CTNNA2: variants seen among roughly 807,000 people sequenced by gnomAD.
CTNNA2 encodes catenin alpha 2.
CTNNA2 carries 42 observed loss-of-function variants against 101.0 expected under a neutral mutation model. The observed-to-expected ratio is 0.42, with a 90% CI of 0.32 to 0.54. CTNNA2 has a LOEUF of 0.54. Ranked by LOEUF, CTNNA2 falls within the 20% of genes least tolerant of loss-of-function variation. The pLI is 0.14. For synonymous variants in CTNNA2, 450 were observed against 456.4 expected (o/e 0.99, Z 0.18); for missense variants, 871 against 1,223.1 (o/e 0.71, Z 4.29).
At chr2:80,328,731 T>C (rs1671047102) in intron 7 of CTNNA2, among the ~76,000 whole-genome samples, 1 of 152,244 alleles carries the variant, frequency 6.6e-6, no homozygotes, top group Admixed American at 6.5e-5. Flanking sequence ...CTTCCATTAT[T>C]GACAGGATAT....
intron 3 of CTNNA2, among the ~76,000 whole-genome samples, chr2:79,357,394 T>C (rs1677530843): frequency 6.6e-6 from 1 of 152,080 alleles, no homozygotes; most frequent in Non-Finnish European, 1.5e-5. Context: ...AATACAGTTA[T>C]TAAACTGGAA....
rs117377121 is a variant in CTNNA2, at chr2:80,180,078, T to C, written c.1057-213133T>C. Among the ~76,000 whole-genome samples the C allele has an allele frequency of 9.2e-4, 140 of 152,316 alleles. 3 individuals carry two copies. The East Asian group carries it at 0.016, about 18-fold the overall frequency. ...TCAGCTCAAAGCCAGGGTCCAGTAG[T>C]CCCCGAAAGTTCTGATCATTTCCCT... On this transcript the variant is annotated intron_variant, in intron 7 of 18. Transcript: ENST00000402739.
chr2:80,588,505 G>T (rs1696164551), intron 14 of CTNNA2, among the ~76,000 whole-genome samples: 1 of 152,054 alleles, frequency 6.6e-6, no homozygotes, highest in South Asian at 2.1e-4. Flanking sequence ...CTTGATTTTG[G>T]GGTTACAAGT....
intron 6 of CTNNA2, 45 bp downstream of exon 6, chr2:79,874,387 G>T (rs1160301237): frequency 2.6e-6 from 4 of 1,535,376 alleles, no homozygotes; most frequent in South Asian, 2.4e-5. Context: ...CACTGGTGTT[G>T]ACAAAAAAAA....
At chr2:79,252,268 G>C (rs546800715) in intron 2 of CTNNA2, among the ~76,000 whole-genome samples, 7 of 148,482 alleles carry the variant, frequency 4.7e-5, no homozygotes, top group African/African-American at 1.5e-4. Flanking sequence ...AGTCCCTCAA[G>C]TTAAAAGAGC....
chr2:79,538,610 A>G (rs1673217085), intron 1 of CTNNA2, among the ~76,000 whole-genome samples: 1 of 152,180 alleles, frequency 6.6e-6, no homozygotes, highest in Non-Finnish European at 1.5e-5. Flanking sequence ...GGAAATAGTA[A>G]CATTCTATGG....
At chr2:79,190,096 C>T (rs1198877646) in intron 1 of CTNNA2, among the ~76,000 whole-genome samples, 1 of 152,086 alleles carries the variant, frequency 6.6e-6, no homozygotes, top group African/African-American at 2.4e-5. Context: ...TCAAAATGTT[C>T]CTAATTTCCA....
intron 1 of CTNNA2, among the ~76,000 whole-genome samples, chr2:79,513,523 G>A (rs1671644689): frequency 6.6e-6 from 1 of 152,012 alleles, no homozygotes; most frequent in Non-Finnish European, 1.5e-5. Flanking sequence ...CCTCTTCCCC[G>A]GTGGGAGGGT....
At chr2:79,767,524 G>A (rs890668487) in intron 3 of CTNNA2, among the ~76,000 whole-genome samples, 4 of 152,182 alleles carry the variant, frequency 2.6e-5, no homozygotes, top group Admixed American at 6.5e-5. Flanking sequence ...AAAAAACTTC[G>A]TTGTAGTGAT....
chr2:79,215,261 G>T (rs572441269), intron 2 of CTNNA2, among the ~76,000 whole-genome samples: 1 of 152,290 alleles, frequency 6.6e-6, no homozygotes, highest in Admixed American at 6.5e-5. Context: ...CTGGTTGCCA[G>T]ATTTCTGGCA....
At chr2:79,338,459 A>T (rs1677046432) in intron 3 of CTNNA2, among the ~76,000 whole-genome samples, 1 of 152,134 alleles carries the variant, frequency 6.6e-6, no homozygotes, top group African/African-American at 2.4e-5. Context: ...ACTATGTGAA[A>T]CAAGATGGGA....
chr2:79,868,205 A>G (rs1434067830), intron 4 of CTNNA2, among the ~76,000 whole-genome samples: 2 of 152,152 alleles, frequency 1.3e-5, no homozygotes, highest in Non-Finnish European at 2.9e-5. Flanking sequence ...TCATATTTTT[A>G]TAATTAGGGA....
Position 80,648,387 on chromosome 2 carries a change from T to C in CTNNA2, c.*515T>C, listed in dbSNP as rs980513571. 5 of 152,628 alleles carry C rather than the reference T, an allele frequency of 3.3e-5. No individual in the cohort carries two copies. The highest frequency in any genetic ancestry group is 9.6e-5 in the African/African-American group (4 of 41,452). The allele number at this position is 152,628 out of a possible 1,614,324, so 9.5% of individuals were successfully genotyped here. A position where few individuals can be genotyped will look rare whatever the true frequency, so the allele number is the denominator to read the frequency against. On this transcript the variant is annotated 3_prime_UTR_variant, in exon 19 of 19. Coordinates refer to ENST00000402739, the MANE Select transcript of CTNNA2 (RefSeq NM_001282597.3). ...CTTGAAGTCTATATCCGTGATATTA[T>C]GTCGATTTTTAACTGAGGGGAAATT...
At chr2:80,450,582 A>G (rs189523037) in intron 9 of CTNNA2, among the ~76,000 whole-genome samples, 46 of 152,246 alleles carry the variant, frequency 3.0e-4, no homozygotes, top group African/African-American at 1.0e-3. Flanking sequence ...CTCCAAGTCT[A>G]TCTTTTTTCT....
chr2:79,395,305 T>TATATACATATGCC (rs1232718524), intron 4 of CTNNA2, among the ~76,000 whole-genome samples: 1 of 152,072 alleles, frequency 6.6e-6, no homozygotes, highest in African/African-American at 2.4e-5. Context: ...GTTTTTTACA[T>TATATACATATGCC]ATGTATACAT....
At chr2:80,306,735 C>A (rs554363429) in intron 7 of CTNNA2, among the ~76,000 whole-genome samples, 1 of 151,980 alleles carries the variant, frequency 6.6e-6, no homozygotes, top group East Asian at 1.9e-4. Context: ...CAGGGTTAAA[C>A]AGCGGCCAGC....
chr2:79,670,430 C>T (rs1682755799), intron 2 of CTNNA2, among the ~76,000 whole-genome samples: 4 of 152,254 alleles, frequency 2.6e-5, no homozygotes, highest in Non-Finnish European at 5.9e-5. Context: ...GTGGCTGCAG[C>T]GGCAGGGGGA....
intron 7 of CTNNA2, among the ~76,000 whole-genome samples, chr2:80,064,319 A>C (rs1048268895): frequency 3.9e-5 from 6 of 152,288 alleles, no homozygotes; most frequent in African/African-American, 1.4e-4. Context: ...TATCTCGGGA[A>C]TTTACCTCTT....
intron 2 of CTNNA2, among the ~76,000 whole-genome samples, chr2:79,695,957 C>T (rs1202193226): frequency 6.6e-6 from 1 of 151,992 alleles, no homozygotes; most frequent in Non-Finnish European, 1.5e-5. Flanking sequence ...GATGGCTAAA[C>T]TTTTATTTTT....
Sources: gnomAD v4.1 joint callset for allele counts (sites outside exome capture counted in the v4.1 genomes callset) on GRCh38, gnomAD v4.1.1 for gene constraint, MANE v1.5 for transcripts, NCBI Gene and HGNC (gene_info 2026-07-23, HGNC 2026-07-21) for gene names.